The following ALCAM variants were observed in gnomAD, a reference collection of about 807,000 sequenced individuals.
The protein encoded by ALCAM is CD166 antigen.
In ALCAM, 30 loss-of-function variants were observed where a neutral mutation model predicts 70.9. The ratio of observed to expected loss-of-function variants is 0.42; its 90% CI spans 0.32 to 0.57. The LOEUF (loss-of-function observed/expected upper bound fraction) is 0.57. Among genes scored for constraint, ALCAM ranks in the 20% least tolerant of loss-of-function variants. ALCAM has a pLI of 0.11. For synonymous variants in ALCAM, 249 were observed against 242.5 expected, an observed-to-expected ratio of 1.03 and a Z score of -0.25; for missense variants, 591 against 695.1, an observed-to-expected ratio of 0.85 and a Z score of 1.68.
At chr3:105,541,276 G>T (rs1433937852) in intron 7 of ALCAM, among the ~76,000 whole-genome samples, 2 of 148,472 alleles carry the variant, frequency 1.3e-5, no homozygotes, top group Non-Finnish European at 3.0e-5. Context: ...GATATATAGT[G>T]TATTTCCTTT....
At chr3:105,536,592 AT>A (rs1318411113) in intron 6 of ALCAM, among the ~76,000 whole-genome samples, 1 of 152,122 alleles carries the variant, frequency 6.6e-6, no homozygotes, top group East Asian at 1.9e-4. Flanking sequence ...GAAGAAAATG[AT>A]TTTATCATGC....
rs1190354050 is a variant in ALCAM, at chr3:105,376,382, G to T, written c.73+8901G>T. Among the ~76,000 whole-genome samples the T allele has an allele frequency of 2.0e-5, 3 of 152,100 alleles. No individual in the cohort carries two copies. The East Asian group carries it at 5.8e-4, about 29-fold the overall frequency. Reference sequence around the variant, plus strand: ...CCTAAACTCATAGATTAAAGGTTTTGACCTGTAAAGAACCTAAAAATTAAT... The same window carrying T: ...CCTAAACTCATAGATTAAAGGTTTTTACCTGTAAAGAACCTAAAAATTAAT... On this transcript the variant is annotated intron_variant, in intron 1 of 15. Transcript: ENST00000306107.
chr3:105,394,419 C>T (rs1297191846), intron 1 of ALCAM, among the ~76,000 whole-genome samples: 2 of 151,846 alleles, frequency 1.3e-5, no homozygotes, highest in Non-Finnish European at 2.9e-5. Context: ...GCATTTCCTC[C>T]CACGTGCCTA....
chr3:105,553,942 G>C (rs1453031762), intron 14 of ALCAM, among the ~76,000 whole-genome samples: 1 of 151,854 alleles, frequency 6.6e-6, no homozygotes, highest in Non-Finnish European at 1.5e-5. Context: ...CATTTCTCCT[G>C]TTGTGTGTTG....
chr3:105,426,007 G>A (rs996631467), intron 1 of ALCAM, among the ~76,000 whole-genome samples: 1 of 151,786 alleles, frequency 6.6e-6, no homozygotes, highest in Admixed American at 6.6e-5. Context: ...AGAAGGAAAT[G>A]CTAGCTTTAG....
chr3:105,468,712 A>G (rs1576183281), intron 1 of ALCAM, among the ~76,000 whole-genome samples: 1 of 151,388 alleles, frequency 6.6e-6, no homozygotes. Flanking sequence ...ACATAAAGAT[A>G]ATGTCCAGTT....
intron 1 of ALCAM, among the ~76,000 whole-genome samples, chr3:105,370,051 G>A (rs144995410): frequency 9.2e-5 from 14 of 152,244 alleles, no homozygotes; most frequent in African/African-American, 3.4e-4. Flanking sequence ...CTTCACTTGG[G>A]TCATCTGTAT....
intron 1 of ALCAM, among the ~76,000 whole-genome samples, chr3:105,503,565 A>G (rs1291255557): frequency 6.8e-6 from 1 of 146,208 alleles, no homozygotes; most frequent in Non-Finnish European, 1.5e-5. Context: ...TCCCTTCTCC[A>G]GCTAGTTTGC....
Position 105,524,306 on chromosome 3 carries a change from C to T in ALCAM, c.192C>T (p.Ser64=), listed in dbSNP as rs1401424085. 1 of 1,613,442 alleles carries T rather than the reference C, an allele frequency of 6.2e-7. No individual in the cohort carries two copies. The highest frequency in any genetic ancestry group is 8.5e-7 in the Non-Finnish European group (1 of 1,179,680). ...GKWKYEKPDG[S]PVFIAFRSST... is the part of the protein sequence containing the mutation. ...ATTTTTAGGAAAAGCCCGATGGCTC[C>T]CCAGTATTTATTGCCTTCAGATCCT... The change falls in exon 3 of 16, where the codon TCC becomes TCT. Residue 64 remains serine, a synonymous_variant. Transcript: ENST00000306107.
Position 105,576,078 on chromosome 3 carries a change from A to G in ALCAM, c.*1627A>G, listed in dbSNP as rs181991880. On this transcript the variant is annotated 3_prime_UTR_variant, in exon 16 of 16. Coordinates refer to ENST00000306107, the MANE Select transcript of ALCAM (RefSeq NM_001627.4). ...TCCGTAGTGCATTGGTATGGATTAA[A>G]TGCATAAAATATTCTTAGACTCGAT... The G allele has an allele frequency of 3.9e-5, 6 of 152,510 alleles. No individual in the cohort carries two copies. The highest frequency in any genetic ancestry group is 1.4e-4 in the African/African-American group (6 of 41,580). The allele number at this position is 152,510 out of a possible 1,614,324, so 9.4% of individuals were successfully genotyped here. A position where few individuals can be genotyped will look rare whatever the true frequency, so the allele number is the denominator to read the frequency against.
At chr3:105,547,640 T>G (rs73175442) in intron 11 of ALCAM, 117 bp downstream of exon 11, 178,795 of 1,287,156 alleles carry the variant, frequency 0.14, 13,330 homozygotes, top group Non-Finnish European at 0.16. Flanking sequence ...TGTAGGTTGG[T>G]TTGTTACCAC....
intron 1 of ALCAM, among the ~76,000 whole-genome samples, chr3:105,423,911 C>A (rs1414222747): frequency 6.6e-6 from 1 of 151,438 alleles, no homozygotes; most frequent in Non-Finnish European, 1.5e-5. Context: ...AAATAAGCTA[C>A]CCTTATTTGA....
intron 1 of ALCAM, among the ~76,000 whole-genome samples, chr3:105,429,333 A>G (rs1936870545): frequency 6.6e-6 from 1 of 152,028 alleles, no homozygotes; most frequent in Non-Finnish European, 1.5e-5. Context: ...AATGTCTTCT[A>G]CACCTGCTTC....
chr3:105,445,014 G>C (rs1249382098), intron 1 of ALCAM, among the ~76,000 whole-genome samples: 2 of 152,112 alleles, frequency 1.3e-5, no homozygotes, highest in Admixed American at 6.6e-5. Flanking sequence ...TTATTTAAGT[G>C]AACTTCATTT....
chr3:105,558,448 T>C (rs1940563094), intron 14 of ALCAM, among the ~76,000 whole-genome samples: 2 of 152,136 alleles, frequency 1.3e-5, no homozygotes, highest in African/African-American at 4.8e-5. Flanking sequence ...ACCAGCCAGA[T>C]TGTGATTTAC....
intron 1 of ALCAM, among the ~76,000 whole-genome samples, chr3:105,429,419 T>G (rs1936872219): frequency 6.6e-6 from 1 of 152,018 alleles, no homozygotes; most frequent in Admixed American, 6.6e-5. Context: ...TGAACTAGCT[T>G]GAACATTTAT....
chr3:105,534,007 T>C (rs892317649), intron 5 of ALCAM, among the ~76,000 whole-genome samples: 2 of 151,932 alleles, frequency 1.3e-5, no homozygotes. Flanking sequence ...CATCTAGGGG[T>C]GATGGGACAC....
intron 1 of ALCAM, among the ~76,000 whole-genome samples, chr3:105,397,207 TG>T (rs759886017): frequency 5.9e-5 from 9 of 152,116 alleles, no homozygotes; most frequent in Non-Finnish European, 8.8e-5. Context: ...CTTATCTAAC[TG>T]GCAATGTGAG....
intron 6 of ALCAM, 129 bp downstream of exon 6, chr3:105,534,974 C>T: frequency 1.2e-6 from 1 of 810,210 alleles, no homozygotes; most frequent in Non-Finnish European, 1.9e-6. Context: ...AAATTGATGG[C>T]ACCCAAATAA....
Sources: allele counts gnomAD v4.1 joint callset (sites outside exome capture counted in the v4.1 genomes callset), GRCh38; gene constraint gnomAD v4.1.1; transcripts MANE v1.5; gene names NCBI Gene and HGNC (gene_info 2026-07-23, HGNC 2026-07-21).